The following HMGXB4 variants were observed in gnomAD, a reference collection of about 807,000 sequenced individuals.
HMGXB4 encodes the protein HMG-box containing 4, also known as HMG domain-containing protein 4.
In HMGXB4, 27 loss-of-function variants were observed where a neutral mutation model predicts 63.9. The ratio of observed to expected loss-of-function variants is 0.42; its 90% CI spans 0.31 to 0.58. HMGXB4 has a LOEUF of 0.58. Among genes scored for constraint, HMGXB4 ranks in the 20% least tolerant of loss-of-function variants. The probability of loss-of-function intolerance (pLI) is 0.13; values close to 1 mark genes in which losing one functional copy is unlikely to be tolerated. For synonymous variants in HMGXB4, 264 were observed against 265.3 expected (o/e 0.99, Z 0.05); for missense variants, 624 against 700.7 (o/e 0.89, Z 1.24).
At chr22:35,252,371 C>A in the HMGXB4 span, among the ~76,000 whole-genome samples, 1 of 152,226 alleles carries the variant, frequency 6.6e-6, no homozygotes, top group East Asian at 1.9e-4. Context: ...AACAACTTTC[C>A]ATTTCCCCCA....
In HMGXB4 at chr22:35,294,796, C is replaced by G. The variant is rs140331955; in HGVS notation, c.*1145C>G. On this transcript the variant is annotated 3_prime_UTR_variant, in exon 11 of 11. Coordinates refer to ENST00000216106, the MANE Select transcript of HMGXB4 (RefSeq NM_001003681.3). ...ATTTGTCATTTCTCCCTTCCGCCCT[C>G]CCTTCTTTCCTTCCTTCCTTCCCTG... 2.0e-4 allele frequency: 31 copies of G among 152,192 alleles called. 1 individual carries two copies. The East Asian group carries it at 5.8e-3, about 28-fold the overall frequency. The allele number at this position is 152,192 out of a possible 1,614,324, so 9.4% of individuals were successfully genotyped here.
In HMGXB4 at chr22:35,262,457, G is replaced by T. The variant is rs1372043290; in HGVS notation, c.31+36G>T. The T allele has an allele frequency of 2.5e-6, 4 of 1,599,442 alleles. No individual in the cohort carries two copies. The South Asian group carries it at 4.4e-5, about 18-fold the overall frequency. On this transcript the variant is annotated intron_variant, in intron 2 of 10. Coordinates refer to ENST00000216106, the MANE Select transcript of HMGXB4 (RefSeq NM_001003681.3). Reference sequence around the variant, plus strand: ...ATAATCTGAGAAGCATTCCAAAGGGGGTATCCTCTTCAATCCTTGCAGCCC... The same window carrying T: ...ATAATCTGAGAAGCATTCCAAAGGGTGTATCCTCTTCAATCCTTGCAGCCC...
chr22:35,244,756 G>A, the HMGXB4 span, among the ~76,000 whole-genome samples: 18 of 152,074 alleles, frequency 1.2e-4, no homozygotes, highest in South Asian at 6.2e-4. Flanking sequence ...ATGAGGTCCC[G>A]TTCCGGCCAA....
At chr22:35,271,393 G>T (rs1031789908) in intron 5 of HMGXB4, among the ~76,000 whole-genome samples, 1 of 152,182 alleles carries the variant, frequency 6.6e-6, no homozygotes, top group Non-Finnish European at 1.5e-5. Flanking sequence ...CTAGGACCAG[G>T]ACTCTAATAA....
chr22:35,280,525 A>T lies in HMGXB4; in HGVS notation c.1216-3437A>T, dbSNP rs73883596. 3.7e-3 allele frequency among the ~76,000 whole-genome samples: 567 copies of T among 152,038 alleles called. 5 individuals are homozygous for T. The highest frequency in any genetic ancestry group is 0.013 in the African/African-American group (522 of 41,470). On this transcript the variant is annotated intron_variant, in intron 5 of 10. Coordinates refer to ENST00000216106, the MANE Select transcript of HMGXB4 (RefSeq NM_001003681.3). The stretch of plus-strand genomic sequence containing the variant: ...ACTGTCTTGATTGTGGGCCATCATC[A>T]TTCATCCCTTCCCCGCACTCCTGCA...
At chr22:35,270,042 G>A (rs1479294975) in intron 5 of HMGXB4, among the ~76,000 whole-genome samples, 1 of 152,164 alleles carries the variant, frequency 6.6e-6, no homozygotes, top group African/African-American at 2.4e-5. Flanking sequence ...TGATTCAAGA[G>A]AGGCTCTGAA....
chr22:35,255,441 G>A (rs1922352971), upstream of HMGXB4, among the ~76,000 whole-genome samples: 1 of 152,210 alleles, frequency 6.6e-6, no homozygotes, highest in South Asian at 2.1e-4. Flanking sequence ...CTTGAACTCA[G>A]GGGGTCGAAG....
chr22:35,269,233 C>T (rs775605088), intron 5 of HMGXB4, among the ~76,000 whole-genome samples: 7 of 152,174 alleles, frequency 4.6e-5, no homozygotes, highest in Non-Finnish European at 8.8e-5. Flanking sequence ...CAAAAATTAT[C>T]TGGGTGTGGT....
chr22:35,290,881 A>G (rs902672275), intron 9 of HMGXB4, among the ~76,000 whole-genome samples: 1 of 152,208 alleles, frequency 6.6e-6, no homozygotes. Context: ...CGTAATGGAC[A>G]TATAATTATC....
intron 4 of HMGXB4, 56 bp downstream of exon 4, chr22:35,263,930 G>A (rs1458923720): frequency 2.4e-5 from 38 of 1,597,370 alleles, no homozygotes; most frequent in South Asian, 3.3e-5. Flanking sequence ...TCTTGGAGTC[G>A]GGGTAGGGGA....
At position 35,287,972 on chromosome 22, in the gene HMGXB4, A is replaced by G. The variant is rs142210685; in HGVS notation, c.1469-266A>G. On this transcript the variant is annotated intron_variant, in intron 8 of 10. Transcript: ENST00000216106. The stretch of plus-strand genomic sequence containing the variant: ...TCAAAAAAAAAAAGGTCCAGAGAGT[A>G]AATATTATAGGCCTTGTGTGCCGTA... Among the ~76,000 whole-genome samples, 134 of 152,184 alleles carry G rather than the reference A, an allele frequency of 8.8e-4. 1 individual carries two copies. Among genetic ancestry groups the G allele is most frequent in the African/African-American group, 3.0e-3 (125 of 41,538 alleles).
At chr22:35,246,123 G>T in the HMGXB4 span, among the ~76,000 whole-genome samples, 27 of 152,224 alleles carry the variant, frequency 1.8e-4, no homozygotes, top group Admixed American at 1.6e-3. Flanking sequence ...GACCTTCCCT[G>T]ACACCACCTG....
chr22:35,267,374 C>T (rs1601628606), intron 5 of HMGXB4, among the ~76,000 whole-genome samples: 1 of 152,106 alleles, frequency 6.6e-6, no homozygotes, highest in East Asian at 1.9e-4. Flanking sequence ...TAAGAATTTC[C>T]AGTCTAGTGA....
Position 35,288,341 on chromosome 22 carries a change from T to C in HMGXB4, c.1572T>C (p.Val524=), listed in dbSNP as rs1264225482. Reference sequence around the variant, plus strand: ...CCCCTGAGACAGAGCCCATTGATGTTGCTGCTCATCTTCAGCTGTTGGGAG... The same window carrying C: ...CCCCTGAGACAGAGCCCATTGATGTCGCTGCTCATCTTCAGCTGTTGGGAG... ...AKAPETEPID[V]AAHLQLLGES... Residue 524 remains valine (V), a synonymous_variant, in exon 9 of 11, where the codon GTT becomes GTC. Transcript: ENST00000216106. The C allele has an allele frequency of 6.2e-7, 1 of 1,613,006 alleles. No homozygotes were observed. Among genetic ancestry groups the C allele is most frequent in the Non-Finnish European group, 8.5e-7 (1 of 1,179,336 alleles).
chr22:35,288,670 G>C (rs1457705124), intron 9 of HMGXB4, among the ~76,000 whole-genome samples: 1 of 152,142 alleles, frequency 6.6e-6, no homozygotes, highest in Non-Finnish European at 1.5e-5. Context: ...GGAGTACCCT[G>C]TAACTTATTT....
At chr22:35,285,581 G>T (rs1275403067) in intron 6 of HMGXB4, among the ~76,000 whole-genome samples, 3 of 152,116 alleles carry the variant, frequency 2.0e-5, no homozygotes, top group Non-Finnish European at 4.4e-5. Flanking sequence ...TAAAAAATTA[G>T]CTAGGCATGG....
chr22:35,245,981 C>G, the HMGXB4 span, among the ~76,000 whole-genome samples: 1 of 152,142 alleles, frequency 6.6e-6, no homozygotes, highest in Non-Finnish European at 1.5e-5. Flanking sequence ...CTGACACCAC[C>G]CCAACCAGAA....
chr22:35,241,670 A>C, the HMGXB4 span, among the ~76,000 whole-genome samples: 1 of 152,226 alleles, frequency 6.6e-6, no homozygotes. Context: ...GGTAAAGTCA[A>C]GAACTTCCTC....
In HMGXB4 at chr22:35,264,955, T is replaced by C; in HGVS notation, c.567T>C (p.Gly189=). The C allele has an allele frequency of 6.2e-7, 1 of 1,614,044 alleles. No individual in the cohort carries two copies. Among genetic ancestry groups the C allele is most frequent in the African/African-American group, 1.3e-5 (1 of 75,000 alleles). ...CACTGACCCTTCGGGAGCCTGATGG[T>C]TTAAAAATGAAACTTATTCTGTCAC... ...TETLTLREPD[G]LKMKLILSPK... The change falls in exon 5 of 11, where the codon GGT becomes GGC. Residue 189 remains glycine, a synonymous_variant. Coordinates refer to ENST00000216106, the MANE Select transcript of HMGXB4 (RefSeq NM_001003681.3).
Sources: gnomAD v4.1 joint callset for allele counts (sites outside exome capture counted in the v4.1 genomes callset) on GRCh38, gnomAD v4.1.1 for gene constraint, MANE v1.5 for transcripts, NCBI Gene and HGNC (gene_info 2026-07-23, HGNC 2026-07-21) for gene names.